The following GRID2 variants were observed in gnomAD, a reference collection of about 807,000 sequenced individuals.
GRID2 encodes glutamate ionotropic receptor delta type subunit 2, also known as glutamate receptor ionotropic, delta-2.
A neutral mutation model predicts 114.8 loss-of-function variants in GRID2; 33 were observed. The observed-to-expected ratio is 0.29, with a 90% confidence interval of 0.22 to 0.38. The LOEUF (loss-of-function observed/expected upper bound fraction) is 0.38, where lower values mean the gene tolerates loss of function less well. GRID2 is among the 10% of genes least tolerant of loss of function. GRID2 has a pLI of 1.00. For synonymous variants in GRID2, 505 were observed against 449.9 expected (o/e 1.12, Z -1.55); for missense variants, 1,184 against 1,257.7 (o/e 0.94, Z 0.89).
At chr4:93,665,132 T>G (rs564538271) in intron 14 of GRID2, among the ~76,000 whole-genome samples, 181 of 152,314 alleles carry the variant, frequency 1.2e-3, no homozygotes, top group Non-Finnish European at 2.1e-3. Context: ...ATTCCTTTTC[T>G]GGGTTTACTA....
chr4:92,989,276 C>CAAAAAAAAAAA (rs1182397768), intron 2 of GRID2, among the ~76,000 whole-genome samples: 1 of 74,322 alleles, frequency 1.3e-5, no homozygotes, highest in African/African-American at 4.9e-5. Flanking sequence ...GACTCCATCT[C>CAAAAAAAAAAA]AAAAAAAAAA....
chr4:92,440,537 G>C (rs1250389521), intron 1 of GRID2, among the ~76,000 whole-genome samples: 2 of 151,944 alleles, frequency 1.3e-5, no homozygotes, highest in African/African-American at 4.8e-5. Context: ...AAGGGAGGGG[G>C]CCTGAATAAT....
At chr4:92,977,579 T>G (rs866331925) in intron 2 of GRID2, among the ~76,000 whole-genome samples, 2 of 152,160 alleles carry the variant, frequency 1.3e-5, no homozygotes, top group African/African-American at 4.8e-5. Context: ...GCATACATTA[T>G]CTGATTTGAA....
At chr4:92,346,760 G>A (rs1327894892) in intron 1 of GRID2, among the ~76,000 whole-genome samples, 1 of 151,954 alleles carries the variant, frequency 6.6e-6, no homozygotes, top group East Asian at 1.9e-4. Context: ...CCATTCCATT[G>A]GAATAGTTAA....
chr4:93,490,973 A>G (rs1052500294), intron 12 of GRID2, among the ~76,000 whole-genome samples, 196 bp downstream of exon 12: 2 of 151,876 alleles, frequency 1.3e-5, no homozygotes, highest in Non-Finnish European at 2.9e-5. Flanking sequence ...AGCATTTTTT[A>G]TAAAGTAAAA....
intron 9 of GRID2, among the ~76,000 whole-genome samples, chr4:93,400,745 G>A (rs930113407): frequency 1.1e-4 from 16 of 151,966 alleles, no homozygotes; most frequent in African/African-American, 3.6e-4. Context: ...ACTTTGATTG[G>A]CCTTAAAAAA....
chr4:93,106,403 G>T (rs555826616), intron 3 of GRID2, among the ~76,000 whole-genome samples: 5 of 152,244 alleles, frequency 3.3e-5, no homozygotes, highest in African/African-American at 1.2e-4. Context: ...CTGGAATGCA[G>T]TGGTGCCATC....
At chr4:92,365,471 G>T (rs964713805) in intron 1 of GRID2, among the ~76,000 whole-genome samples, 2 of 151,826 alleles carry the variant, frequency 1.3e-5, no homozygotes, top group South Asian at 4.2e-4. Flanking sequence ...AGAGTTAACA[G>T]AGACTGGGTG....
intron 2 of GRID2, among the ~76,000 whole-genome samples, chr4:92,635,705 AT>A (rs1248521757): frequency 1.3e-5 from 2 of 152,102 alleles, no homozygotes; most frequent in African/African-American, 4.8e-5. Flanking sequence ...ATTAGGGAAC[AT>A]TTCAATACAA....
In GRID2 at chr4:92,735,800, G is replaced by T. The variant is rs531701010; in HGVS notation, c.244+145514G>T. Among the ~76,000 whole-genome samples, 12 of 145,170 alleles carry T rather than the reference G, an allele frequency of 8.3e-5. 1 individual carries two copies. Among genetic ancestry groups the T allele is most frequent in the Admixed American group, 6.1e-4 (9 of 14,758 alleles). On this transcript the variant is annotated intron_variant, in intron 2 of 15. Coordinates refer to ENST00000282020, the MANE Select transcript of GRID2 (RefSeq NM_001510.4). The stretch of plus-strand genomic sequence containing the variant: ...GGTGGATTGAATGTCTGTTCCTTAG[G>T]TCACTTGATAGTACTTGTTCTCAAC...
Position 93,395,663 on chromosome 4 carries a change from G to A in GRID2, c.1302G>A (p.Leu434=), listed in dbSNP as rs2149330139. 2 of 1,584,172 alleles carry A rather than the reference G, an allele frequency of 1.3e-6. No individual in the cohort carries two copies. The highest frequency in any genetic ancestry group is 1.7e-6 in the Non-Finnish European group (2 of 1,153,370). ...GLNGSLTDKK[L]ENNMRGVVLR... is the part of the protein sequence containing the mutation. ...ATGGGTCACTGACTGACAAGAAATT[G>A]GAGAATAACATGCGTGGAGTGGTTC... Residue 434 remains leucine (L), a synonymous_variant, in exon 9 of 16, where the codon TTG becomes TTA. Coordinates refer to ENST00000282020, the MANE Select transcript of GRID2 (RefSeq NM_001510.4).
intron 4 of GRID2, among the ~76,000 whole-genome samples, chr4:93,205,224 A>AT (rs1015320573): frequency 3.8e-4 from 56 of 147,608 alleles, no homozygotes; most frequent in Admixed American, 1.7e-3. Flanking sequence ...TTTTTTTTTT[A>AT]TTTTTTTTTA....
chr4:92,948,880 T>C (rs184899804), intron 2 of GRID2, among the ~76,000 whole-genome samples: 5 of 152,060 alleles, frequency 3.3e-5, no homozygotes, highest in African/African-American at 1.2e-4. Flanking sequence ...TATATATCAT[T>C]TGTAAAGTGA....
intron 2 of GRID2, among the ~76,000 whole-genome samples, chr4:92,694,361 A>T (rs988726793): frequency 3.9e-5 from 6 of 152,156 alleles, no homozygotes; most frequent in Admixed American, 2.6e-4. Flanking sequence ...GGAAGATGGG[A>T]GAAAGCCACC....
chr4:92,687,051 T>G (rs531654336), intron 2 of GRID2, among the ~76,000 whole-genome samples: 1 of 152,294 alleles, frequency 6.6e-6, no homozygotes, highest in African/African-American at 2.4e-5. Flanking sequence ...CTCACAAACT[T>G]CAAATAAGTC....
intron 8 of GRID2, among the ~76,000 whole-genome samples, chr4:93,298,364 T>C (rs972685568): frequency 6.6e-5 from 10 of 152,258 alleles, no homozygotes; most frequent in Admixed American, 2.0e-4. Context: ...AGGGTCCACT[T>C]TCAGGTTACA....
intron 14 of GRID2, among the ~76,000 whole-genome samples, chr4:93,759,183 A>C (rs1733003762): frequency 6.6e-6 from 1 of 152,084 alleles, no homozygotes; most frequent in African/African-American, 2.4e-5. Context: ...CTAGTCACCA[A>C]AGTCTTGAGA....
intron 2 of GRID2, among the ~76,000 whole-genome samples, chr4:92,761,916 A>T (rs1286239070): frequency 2.0e-5 from 3 of 152,046 alleles, no homozygotes; most frequent in Non-Finnish European, 4.4e-5. Flanking sequence ...ATATGTGTTA[A>T]GTTGTTTTTT....
intron 2 of GRID2, among the ~76,000 whole-genome samples, chr4:93,034,241 C>G (rs1158554410): frequency 6.6e-6 from 1 of 152,138 alleles, no homozygotes; most frequent in Non-Finnish European, 1.5e-5. Flanking sequence ...CAGACAAAAA[C>G]AAAACCAAAC....
Sources: gnomAD v4.1 joint callset for allele counts (sites outside exome capture counted in the v4.1 genomes callset) on GRCh38, gnomAD v4.1.1 for gene constraint, MANE v1.5 for transcripts, NCBI Gene and HGNC (gene_info 2026-07-23, HGNC 2026-07-21) for gene names.